Variants in KIF3B observed in about 807,000 individuals in gnomAD.
KIF3B encodes kinesin-like protein KIF3B.
KIF3B carries 38 observed loss-of-function variants against 74.3 expected under a neutral mutation model. That is an observed-to-expected ratio of 0.51 (90% confidence interval 0.39 to 0.67). The LOEUF is 0.67. Among genes scored for constraint, KIF3B ranks in the 30% least tolerant of loss-of-function variants. The pLI is 0.00. For synonymous variants in KIF3B, 326 were observed against 342.5 expected (o/e 0.95, Z 0.53); for missense variants, 649 against 932.0 (o/e 0.70, Z 3.95).
intron 5 of KIF3B, among the ~76,000 whole-genome samples, chr20:32,321,997 G>C (rs2047862212): frequency 6.6e-6 from 1 of 152,086 alleles, no homozygotes; most frequent in Admixed American, 6.6e-5. Context: ...CAGTATCTCT[G>C]AGGTATGCCT....
chr20:32,299,379 G>GTGTGTGTATATA (rs1187264463), intron 1 of KIF3B, among the ~76,000 whole-genome samples: 1 of 23,100 alleles, frequency 4.3e-5, no homozygotes, highest in East Asian at 2.1e-3. Flanking sequence ...TGGTGTGTGT[G>GTGTGTGTATATA]TATATATATA....
intron 1 of KIF3B, among the ~76,000 whole-genome samples, chr20:32,294,668 GGAA>G (rs2047708384): frequency 6.6e-6 from 1 of 152,186 alleles, no homozygotes; most frequent in Admixed American, 6.5e-5. Flanking sequence ...CATACTTGGT[GGAA>G]GAAGAAACTG....
chr20:32,312,623 A>G (rs1262961270), intron 2 of KIF3B, among the ~76,000 whole-genome samples: 2 of 152,164 alleles, frequency 1.3e-5, no homozygotes, highest in Non-Finnish European at 2.9e-5. Flanking sequence ...CATTACGTTC[A>G]TGAGATTTAT....
chr20:32,301,192 A>AT (rs1414802501), intron 1 of KIF3B, among the ~76,000 whole-genome samples: 2 of 149,568 alleles, frequency 1.3e-5, no homozygotes, highest in Non-Finnish European at 3.0e-5. Flanking sequence ...GATTCAAGCA[A>AT]TTCTCCCGCC....
At chr20:32,318,862 CA>C (rs1195483045) in intron 5 of KIF3B, among the ~76,000 whole-genome samples, 1 of 152,026 alleles carries the variant, frequency 6.6e-6, no homozygotes, top group Non-Finnish European at 1.5e-5. Context: ...ATTGCTGGGT[CA>C]TATGGTAACT....
At chr20:32,327,684 T>C (rs1569211222) in intron 7 of KIF3B, 23 bp downstream of exon 7, 1 of 1,570,604 alleles carries the variant, frequency 6.4e-7, no homozygotes, top group Non-Finnish European at 8.8e-7. Context: ...TTCTTGGGTT[T>C]TTCTCCTGTC....
At chr20:32,294,427 A>G (rs1189213383) in intron 1 of KIF3B, among the ~76,000 whole-genome samples, 1 of 152,202 alleles carries the variant, frequency 6.6e-6, no homozygotes, top group Non-Finnish European at 1.5e-5. Context: ...CAAAGAAAAC[A>G]TTGCTTTATT....
intron 5 of KIF3B, among the ~76,000 whole-genome samples, chr20:32,325,232 G>A (rs892034880): frequency 1.3e-5 from 2 of 151,862 alleles, no homozygotes; most frequent in African/African-American, 2.4e-5. Context: ...TCTGTCACCC[G>A]GATTGGAGTG....
intron 1 of KIF3B, among the ~76,000 whole-genome samples, chr20:32,284,907 T>C (rs2047660508): frequency 6.6e-6 from 1 of 152,166 alleles, no homozygotes; most frequent in East Asian, 1.9e-4. Context: ...GTAACACAGA[T>C]TTCCAGAAGA....
At chr20:32,293,891 A>G (rs1408988881) in intron 1 of KIF3B, among the ~76,000 whole-genome samples, 1 of 152,176 alleles carries the variant, frequency 6.6e-6, no homozygotes, top group Non-Finnish European at 1.5e-5. Flanking sequence ...ATATGGGTTT[A>G]TATATGGGTT....
rs2047622726 is a variant in KIF3B, at chr20:32,277,708, C to T, written c.-123C>T. On this transcript the variant is annotated 5_prime_UTR_variant, in exon 1 of 9. Coordinates refer to ENST00000375712, the MANE Select transcript of KIF3B (RefSeq NM_004798.4). ...GGCTGAGCCAGGGGTTCGCCGCCCCCGCCGCCGCCGCCGCCGCCGCCGCCG... is the reference window on the plus strand; with the variant it reads ...GGCTGAGCCAGGGGTTCGCCGCCCCTGCCGCCGCCGCCGCCGCCGCCGCCG... The T allele has an allele frequency of 9.9e-6, 2 of 202,540 alleles. No individual in the cohort carries two copies. The highest frequency in any genetic ancestry group is 1.9e-5 in the Non-Finnish European group (2 of 103,318). 12.5% of individuals were successfully genotyped at this position (202,540 alleles called of 1,614,324 possible).
At chr20:32,309,151 A>T (rs1361759480) in intron 1 of KIF3B, among the ~76,000 whole-genome samples, 1 of 150,936 alleles carries the variant, frequency 6.6e-6, no homozygotes, top group East Asian at 1.9e-4. Flanking sequence ...CGAGTAGCTA[A>T]GACTACAGGC....
intron 1 of KIF3B, among the ~76,000 whole-genome samples, chr20:32,294,578 A>G (rs763790265): frequency 3.3e-5 from 5 of 152,242 alleles, no homozygotes; most frequent in Non-Finnish European, 5.9e-5. Context: ...GTACTTTTCA[A>G]TGTTAAAAGC....
intron 1 of KIF3B, among the ~76,000 whole-genome samples, chr20:32,288,045 G>A (rs1024686259): frequency 3.3e-5 from 5 of 151,924 alleles, no homozygotes; most frequent in Admixed American, 3.3e-4. Flanking sequence ...ACCACGCCCA[G>A]CTGATTTTGG....
At chr20:32,320,087 G>T (rs2047851863) in intron 5 of KIF3B, among the ~76,000 whole-genome samples, 1 of 151,796 alleles carries the variant, frequency 6.6e-6, no homozygotes, top group African/African-American at 2.4e-5. Flanking sequence ...TAGAGACGGG[G>T]TTTTACCATC....
chr20:32,304,361 C>T (rs972244622), intron 1 of KIF3B, among the ~76,000 whole-genome samples: 1 of 152,164 alleles, frequency 6.6e-6, no homozygotes, highest in African/African-American at 2.4e-5. Context: ...GTCATTCTCA[C>T]AACTAAAAAG....
chr20:32,300,412 G>A (rs1416722918), intron 1 of KIF3B, among the ~76,000 whole-genome samples: 1 of 151,960 alleles, frequency 6.6e-6, no homozygotes, highest in African/African-American at 2.4e-5. Flanking sequence ...CGAGTAGCTG[G>A]GACTGCAGTC....
chr20:32,293,261 G>GTGAA (rs755152343), intron 1 of KIF3B, among the ~76,000 whole-genome samples: 24 of 150,942 alleles, frequency 1.6e-4, no homozygotes, highest in East Asian at 7.9e-4. Context: ...AAATAAATGA[G>GTGAA]TGAATGAATG....
At chr20:32,297,195 G>C (rs1397103271) in intron 1 of KIF3B, among the ~76,000 whole-genome samples, 1 of 152,196 alleles carries the variant, frequency 6.6e-6, no homozygotes, top group Non-Finnish European at 1.5e-5. Flanking sequence ...CCCTGGGCCA[G>C]GCAGTTGGCA....
Sources: gnomAD v4.1 joint callset for allele counts (sites outside exome capture counted in the v4.1 genomes callset) on GRCh38, gnomAD v4.1.1 for gene constraint, MANE v1.5 for transcripts, NCBI Gene and HGNC (gene_info 2026-07-23, HGNC 2026-07-21) for gene names.